The following ATRNL1 variants were observed in gnomAD, a reference collection of about 807,000 sequenced individuals.
ATRNL1 encodes the protein attractin-like protein 1.
ATRNL1 carries 95 observed loss-of-function variants against 182.7 expected under a neutral mutation model. That is an observed-to-expected ratio of 0.52 (90% CI 0.44 to 0.62). ATRNL1 has a LOEUF of 0.62. Ranked by LOEUF, ATRNL1 falls within the 20% of genes least tolerant of loss-of-function variation. The pLI, the probability that ATRNL1 is intolerant of heterozygous loss-of-function variation, is 0.00. For missense variants in ATRNL1, 1,471 were observed against 1,679.5 expected, an observed-to-expected ratio of 0.88 and a Z score of 2.17; for synonymous variants, 576 against 568.3, an observed-to-expected ratio of 1.01 and a Z score of -0.19.
chr10:115,807,608 A>C (rs782373194), intron 27 of ATRNL1, among the ~76,000 whole-genome samples: 102 of 152,354 alleles, frequency 6.7e-4, no homozygotes, highest in Middle Eastern at 3.4e-3. Flanking sequence ...CACCTCAACC[A>C]CATTGAAAGG....
chr10:115,910,089 T>A (rs1952627605), intron 28 of ATRNL1, among the ~76,000 whole-genome samples: 1 of 152,040 alleles, frequency 6.6e-6, no homozygotes, highest in Non-Finnish European at 1.5e-5. Context: ...ATGCACCTGA[T>A]CCCTTAGCAC....
intron 9 of ATRNL1, among the ~76,000 whole-genome samples, chr10:115,217,098 A>G (rs1025652342): frequency 3.9e-5 from 6 of 151,976 alleles, no homozygotes; most frequent in African/African-American, 1.5e-4. Context: ...AATTTAATTT[A>G]TTTATTTGAG....
chr10:115,851,768 C>A (rs536494090), intron 28 of ATRNL1, among the ~76,000 whole-genome samples: 49 of 152,218 alleles, frequency 3.2e-4, no homozygotes, highest in Middle Eastern at 3.4e-3. Context: ...CAATCCGTGC[C>A]AGACTCTTCG....
intron 24 of ATRNL1, among the ~76,000 whole-genome samples, chr10:115,483,244 T>TGATTTCAG (rs1848854587): frequency 6.6e-6 from 1 of 151,354 alleles, no homozygotes; most frequent in South Asian, 2.1e-4. Context: ...CAACAATAGT[T>TGATTTCAG]TATATAATGA....
At chr10:115,256,690 T>G (rs1268851015) in intron 10 of ATRNL1, among the ~76,000 whole-genome samples, 1 of 152,196 alleles carries the variant, frequency 6.6e-6, no homozygotes, top group Non-Finnish European at 1.5e-5. Flanking sequence ...TTTTTGAATG[T>G]GTTTGCTCTT....
rs557792721 is a variant in ATRNL1 at position 115,521,373 on chromosome 10, G to T, written c.3716+2049G>T. Among the ~76,000 whole-genome samples, 92 of 152,104 alleles carry T rather than the reference G, an allele frequency of 6.0e-4. 2 individuals are homozygous for T. The highest frequency in any genetic ancestry group is 2.1e-3 in the Admixed American group (32 of 15,278). On this transcript the variant is annotated intron_variant, in intron 25 of 28. Coordinates refer to ENST00000355044, the MANE Select transcript of ATRNL1 (RefSeq NM_207303.4). ...TCACCACATTGGCCAGGGTGGTCTC[G>T]ATCTCCTGACCTCAGATGATCTGCC... is the stretch of plus-strand genomic sequence containing the variant.
chr10:115,249,239 C>G (rs1592321385), intron 10 of ATRNL1, among the ~76,000 whole-genome samples: 3 of 152,204 alleles, frequency 2.0e-5, no homozygotes, highest in East Asian at 1.9e-4. Context: ...GGTGATCTGC[C>G]TGCCTTGGCC....
chr10:115,125,124 C>T (rs1376818154), intron 3 of ATRNL1, among the ~76,000 whole-genome samples: 1 of 152,102 alleles, frequency 6.6e-6, no homozygotes, highest in Non-Finnish European at 1.5e-5. Context: ...ATTGTAGGAA[C>T]TGTGAAGGAT....
At chr10:115,341,865 A>T (rs1299832297) in intron 19 of ATRNL1, among the ~76,000 whole-genome samples, 1 of 152,012 alleles carries the variant, frequency 6.6e-6, no homozygotes, top group Non-Finnish European at 1.5e-5. Context: ...ATTTGCATGG[A>T]ATATATTTTT....
intron 19 of ATRNL1, among the ~76,000 whole-genome samples, chr10:115,335,440 A>C (rs1475798728): frequency 6.6e-6 from 1 of 152,120 alleles, no homozygotes; most frequent in Non-Finnish European, 1.5e-5. Context: ...TAAAACAATT[A>C]AATCATTATC....
At chr10:115,541,701 G>A (rs1351394914) in intron 25 of ATRNL1, among the ~76,000 whole-genome samples, 3 of 152,034 alleles carry the variant, frequency 2.0e-5, no homozygotes, top group East Asian at 3.9e-4. Context: ...TAGGTAACAC[G>A]AACATAGTGT....
chr10:115,864,826 C>T (rs1012228313), intron 28 of ATRNL1, among the ~76,000 whole-genome samples: 5 of 151,812 alleles, frequency 3.3e-5, no homozygotes, highest in African/African-American at 9.7e-5. Flanking sequence ...ATGAAAAATA[C>T]AAAAAATTAG....
intron 1 of ATRNL1, among the ~76,000 whole-genome samples, chr10:115,099,889 C>T (rs2143411047): frequency 6.6e-6 from 1 of 152,262 alleles, no homozygotes; most frequent in Middle Eastern, 3.4e-3. Context: ...GAAAACAATG[C>T]AAAGAGAATG....
chr10:115,326,573 GA>G (rs1215519306), intron 18 of ATRNL1, among the ~76,000 whole-genome samples: 1 of 151,792 alleles, frequency 6.6e-6, no homozygotes, highest in African/African-American at 2.4e-5. Flanking sequence ...CACAGAATTG[GA>G]AAAAACTACT....
chr10:115,513,262 T>A (rs577413256), intron 24 of ATRNL1, among the ~76,000 whole-genome samples: 6 of 151,930 alleles, frequency 3.9e-5, no homozygotes, highest in Non-Finnish European at 7.4e-5. Flanking sequence ...TGTGCTTCAT[T>A]TCTTTCTGCT....
At chr10:115,588,195 G>T (rs1358115972) in intron 26 of ATRNL1, among the ~76,000 whole-genome samples, 1 of 152,078 alleles carries the variant, frequency 6.6e-6, no homozygotes, top group Non-Finnish European at 1.5e-5. Flanking sequence ...AATCATTCTA[G>T]ACTGTCCTCC....
intron 26 of ATRNL1, among the ~76,000 whole-genome samples, chr10:115,656,090 A>C (rs1449865823): frequency 6.6e-6 from 1 of 152,212 alleles, no homozygotes; most frequent in Non-Finnish European, 1.5e-5. Flanking sequence ...GCCTTCTGCT[A>C]TGCTTAATTG....
chr10:115,132,572 C>G (rs1284048769), intron 5 of ATRNL1, among the ~76,000 whole-genome samples: 2 of 152,150 alleles, frequency 1.3e-5, no homozygotes, highest in Non-Finnish European at 2.9e-5. Flanking sequence ...TCCTATTTCT[C>G]CACATTCTCT....
At chr10:115,274,640 A>G (rs185201280) in intron 13 of ATRNL1, among the ~76,000 whole-genome samples, 408 of 152,306 alleles carry the variant, frequency 2.7e-3, no homozygotes, top group Non-Finnish European at 4.3e-3. Context: ...CTTGTGGAAT[A>G]AAAAGGCAGT....
Sources: gnomAD v4.1 joint callset for allele counts (sites outside exome capture counted in the v4.1 genomes callset) on GRCh38, gnomAD v4.1.1 for gene constraint, MANE v1.5 for transcripts, NCBI Gene and HGNC (gene_info 2026-07-23, HGNC 2026-07-21) for gene names.